The following SLC12A6 variants were observed in gnomAD, a reference collection of about 807,000 sequenced individuals.
SLC12A6 encodes the protein K-Cl cotransporter 3.
Under a neutral mutation model 135.3 loss-of-function variants are expected in SLC12A6, and 66 were observed. That is an observed-to-expected ratio of 0.49 (90% CI 0.40 to 0.60). SLC12A6 has a LOEUF of 0.60. Among genes scored for constraint, SLC12A6 ranks in the 20% least tolerant of loss-of-function variants. The pLI is 0.00. For missense variants in SLC12A6, 1,058 were observed against 1,452.3 expected (o/e 0.73, Z 4.41); for synonymous variants, 513 against 508.8 (o/e 1.01, Z -0.11).
chr15:34,242,798 A>G (rs1891732263), intron 16 of SLC12A6, among the ~76,000 whole-genome samples: 1 of 152,136 alleles, frequency 6.6e-6, no homozygotes, highest in Non-Finnish European at 1.5e-5. Flanking sequence ...TGGGAGGCTG[A>G]GGCGGATGGA....
chr15:34,314,497 C>G (rs77368228), intron 2 of SLC12A6, among the ~76,000 whole-genome samples: 16,170 of 151,768 alleles, frequency 0.11, 974 homozygotes, highest in South Asian at 0.16. Flanking sequence ...TTCATGCCTG[C>G]CAGCATAACA....
chr15:34,237,672 C>A, intron 21 of SLC12A6, 122 bp from the exon 22 acceptor site: 1 of 766,112 alleles, frequency 1.3e-6, no homozygotes, highest in Non-Finnish European at 2.3e-6. Flanking sequence ...GCTATTTGTT[C>A]CTAGCTTCCT....
At chr15:34,265,855 A>AT (rs1893476501) in intron 3 of SLC12A6, among the ~76,000 whole-genome samples, 2 of 152,200 alleles carry the variant, frequency 1.3e-5, no homozygotes, top group South Asian at 4.1e-4. Context: ...AAAGGACAAT[A>AT]TAGCTAAAGG....
At chr15:34,274,146 A>G (rs962578079) in intron 3 of SLC12A6, among the ~76,000 whole-genome samples, 4 of 152,230 alleles carry the variant, frequency 2.6e-5, no homozygotes, top group Non-Finnish European at 5.9e-5. Flanking sequence ...ATAAAATTAT[A>G]GTGCAGGAGC....
intron 10 of SLC12A6, among the ~76,000 whole-genome samples, chr15:34,251,700 G>A (rs1892404652): frequency 6.6e-6 from 1 of 152,124 alleles, no homozygotes; most frequent in African/African-American, 2.4e-5. Context: ...TGTCATCAGT[G>A]CTGTTTCTAA....
chr15:34,245,207 G>A, intron 15 of SLC12A6, 78 bp downstream of exon 15: 1 of 852,802 alleles, frequency 1.2e-6, no homozygotes, highest in South Asian at 1.3e-5. Context: ...TATCACTACT[G>A]TTATATGACT....
chr15:34,266,605 C>G (rs1311808581), intron 3 of SLC12A6, among the ~76,000 whole-genome samples: 1 of 152,080 alleles, frequency 6.6e-6, no homozygotes, highest in Non-Finnish European at 1.5e-5. Context: ...CCATGAAGAG[C>G]TAATTTTTGG....
chr15:34,315,628 C>T (rs911034861), intron 2 of SLC12A6, among the ~76,000 whole-genome samples: 1 of 152,128 alleles, frequency 6.6e-6, no homozygotes, highest in African/African-American at 2.4e-5. Context: ...AATGCTATTG[C>T]ACACTTAACA....
intron 13 of SLC12A6, 50 bp from the exon 14 acceptor site, chr15:34,245,917 T>C (rs1891951372): frequency 1.2e-5 from 18 of 1,451,976 alleles, no homozygotes; most frequent in Non-Finnish European, 1.7e-5. Flanking sequence ...AACTTTAGAC[T>C]GAAAGACTAG....
At chr15:34,304,829 C>A (rs951888019) in intron 2 of SLC12A6, among the ~76,000 whole-genome samples, 1 of 152,188 alleles carries the variant, frequency 6.6e-6, no homozygotes, top group Non-Finnish European at 1.5e-5. Flanking sequence ...TTACATAATA[C>A]ATTCCCAAAG....
intron 3 of SLC12A6, among the ~76,000 whole-genome samples, chr15:34,274,121 T>C (rs887775572): frequency 6.6e-6 from 1 of 152,102 alleles, no homozygotes; most frequent in Non-Finnish European, 1.5e-5. Flanking sequence ...TGCTCATGAG[T>C]AGGAAACTGG....
At chr15:34,248,133 T>G (rs886932553) in intron 13 of SLC12A6, among the ~76,000 whole-genome samples, 4 of 152,214 alleles carry the variant, frequency 2.6e-5, no homozygotes, top group African/African-American at 9.7e-5. Context: ...GAGGTGTATA[T>G]TGCTATGACT....
chr15:34,276,908 G>A (rs2140895585), intron 2 of SLC12A6, among the ~76,000 whole-genome samples: 1 of 152,192 alleles, frequency 6.6e-6, no homozygotes, highest in South Asian at 2.1e-4. Flanking sequence ...ATGTATATTG[G>A]AGTATACACT....
chr15:34,238,533 C>G (rs1891431271), intron 20 of SLC12A6, 132 bp from the exon 21 acceptor site: 2 of 728,594 alleles, frequency 2.7e-6, no homozygotes, highest in Admixed American at 4.2e-5. Context: ...TAGGTTATTT[C>G]TCATTACGTA....
Position 34,250,657 on chromosome 15 carries a change from A to C in SLC12A6, c.1565T>G (p.Leu522Arg). 6.3e-7 allele frequency: 1 copy of C among 1,598,528 alleles called. No homozygotes were observed. Among genetic ancestry groups the C allele is most frequent in the East Asian group, 2.2e-5 (1 of 44,790 alleles). ...AACAAAGGAGGTGGTCAGGATGGCA[A>C]GGATAGTACCAATCGGAATAGACTT... is the stretch of plus-strand genomic sequence containing the variant. ...AQKSIPIGTI[L>R]AILTTSFVYL... is the part of the protein sequence containing the mutation. Residue 522 changes from leucine to arginine, a missense_variant, in exon 12 of 26, where the codon CTT becomes CGT. Physicochemically the swap from Leu to Arg is moderately radical, Grantham distance 102. Coordinates refer to ENST00000354181, the MANE Select transcript of SLC12A6 (RefSeq NM_001365088.1).
intron 3 of SLC12A6, among the ~76,000 whole-genome samples, chr15:34,274,079 C>T (rs1894139238): frequency 6.6e-6 from 1 of 152,134 alleles, no homozygotes; most frequent in African/African-American, 2.4e-5. Context: ...CATTGCAACA[C>T]AACTTACAAC....
chr15:34,258,581 A>T (rs1024221471), intron 5 of SLC12A6, among the ~76,000 whole-genome samples: 1 of 152,164 alleles, frequency 6.6e-6, no homozygotes, highest in Non-Finnish European at 1.5e-5. Flanking sequence ...TCAACACTTA[A>T]TATGTTATAT....
chr15:34,260,788 T>C (rs1893065441), intron 4 of SLC12A6, 138 bp downstream of exon 4: 1 of 626,386 alleles, frequency 1.6e-6, no homozygotes, highest in Non-Finnish European at 2.9e-6. Flanking sequence ...AAATTTACTA[T>C]AATAACAAGT....
rs754223999 is a variant in SLC12A6, at chr15:34,238,265, A to C, written c.2769T>G (p.Leu923=). Reference sequence around the variant, plus strand: ...GTTTCAGTAGGAATGGTAGTAGCATAAGCATCCCCCCATCATGCACAATCC... The same window carrying C: ...GTTTCAGTAGGAATGGTAGTAGCATCAGCATCCCCCCATCATGCACAATCC... ...VWWIVHDGGM[L]MLLPFLLKQH... The change falls in exon 21 of 26, where the codon CTT becomes CTG. Residue 923 remains leucine (L), a synonymous_variant. Transcript: ENST00000354181. 1 of 1,613,564 alleles carries C rather than the reference A, an allele frequency of 6.2e-7. No individual in the cohort carries two copies. The highest frequency in any genetic ancestry group is 8.5e-7 in the Non-Finnish European group (1 of 1,179,432).
Sources: allele counts gnomAD v4.1 joint callset (sites outside exome capture counted in the v4.1 genomes callset), GRCh38; gene constraint gnomAD v4.1.1; transcripts MANE v1.5; gene names NCBI Gene and HGNC (gene_info 2026-07-23, HGNC 2026-07-21).